The following CHD3 variants were observed in gnomAD, a reference collection of about 807,000 sequenced individuals.
The protein encoded by CHD3 is chromodomain helicase DNA binding protein 3.
In CHD3, 52 loss-of-function variants were observed where a neutral mutation model predicts 248.9. The ratio of observed to expected loss-of-function variants is 0.21; its 90% confidence interval spans 0.17 to 0.26. CHD3 has a LOEUF of 0.26. CHD3 is among the 10% of genes least tolerant of loss of function. CHD3 has a pLI of 1.00. For missense variants in CHD3, 1,482 were observed against 2,605.8 expected (o/e 0.57, Z 9.39); for synonymous variants, 985 against 985.2 (o/e 1.00, Z 0.00).
At chr17:7,893,616 A>C in intron 5 of CHD3, 47 bp downstream of exon 5, 2 of 1,536,324 alleles carry the variant, frequency 1.3e-6, no homozygotes, top group Non-Finnish European at 1.7e-6. Context: ...TCCAAACTGC[A>C]TGTCTTCACA....
In CHD3 at chr17:7,908,535, AG is replaced by A. The variant is rs1261972711; in HGVS notation, c.5261+27del. On this transcript the variant is annotated intron_variant, in intron 35 of 39. Coordinates refer to ENST00000330494, the MANE Select transcript of CHD3 (RefSeq NM_001005273.3). The surrounding 1 kb of genome is among the most constrained non-coding windows in gnomAD (Gnocchi z 5.8). ...TGTATCCTTTGATACACATGCAAGA[AG>A]GAAAAGGTTCTCTCAAGCTGGCAAA... 6.3e-7 allele frequency: 1 copy of A among 1,597,986 alleles called. No homozygotes were observed. Among genetic ancestry groups the A allele is most frequent in the African/African-American group, 1.3e-5 (1 of 74,346 alleles).
chr17:7,900,867 C>T lies in CHD3; in HGVS notation c.2994C>T (p.Tyr998=), dbSNP rs1319166591. 5 of 1,614,092 alleles carry T rather than the reference C, an allele frequency of 3.1e-6. No homozygotes were observed. The highest frequency in any genetic ancestry group is 3.3e-5 in the Admixed American group (2 of 60,014). ...LSPMQKKYYK[Y]ILTRNFEALN... Reference sequence around the variant, plus strand: ...TGGCCTTTAGGAAATACTACAAATACATCCTGACTCGAAATTTTGAGGCCT... The same window carrying T: ...TGGCCTTTAGGAAATACTACAAATATATCCTGACTCGAAATTTTGAGGCCT... Residue 998 remains tyrosine, a synonymous_variant, in exon 19 of 40, where the codon TAC becomes TAT. Coordinates refer to ENST00000330494, the MANE Select transcript of CHD3 (RefSeq NM_001005273.3). The surrounding 1 kb of genome is among the most constrained non-coding windows in gnomAD (Gnocchi z 6.5).
In CHD3 at chr17:7,889,637, G is replaced by A; in HGVS notation, c.101-27G>A. ...CAGAGGCTGGAAACCTAGAGGCTTA[G>A]GTTTTCTGATGCTTTTTGCTTCAAA... On this transcript the variant is annotated intron_variant, in intron 1 of 39. Coordinates refer to ENST00000330494, the MANE Select transcript of CHD3 (RefSeq NM_001005273.3). This position sits in a 1 kb window ranked among gnomAD's most constrained non-coding sequence, Gnocchi z 4.5. 1.3e-6 allele frequency: 2 copies of A among 1,593,170 alleles called. No homozygotes were observed. The highest frequency in any genetic ancestry group is 1.7e-6 in the Non-Finnish European group (2 of 1,167,790).
Position 7,910,542 on chromosome 17 carries a change from G to A in CHD3, c.5705G>A (p.Ser1902Asn). The A allele has an allele frequency of 6.2e-7, 1 of 1,613,030 alleles. No homozygotes were observed. The highest frequency in any genetic ancestry group is 8.5e-7 in the Non-Finnish European group (1 of 1,180,028). ...IAARLQMSER[S>N]ILSRLASKGT... ...GCCCGCCTTCAGATGTCCGAGCGCA[G>A]CATCCTCAGCCGGCTGGCCAGCAAG... Residue 1902 changes from serine (S) to asparagine (N), a missense_variant, in exon 38 of 40, where the codon AGC (serine) becomes AAC (asparagine). Transcript: ENST00000330494. The surrounding 1 kb of genome is among the most constrained non-coding windows in gnomAD (Gnocchi z 4.7).
upstream of CHD3, chr17:7,885,003 G>GC (rs774623583): frequency 1.0e-5 from 13 of 1,240,098 alleles, no homozygotes; most frequent in Admixed American, 4.1e-5. Context: ...GACCGCCACA[G>GC]CCCCCCCGGC....
chr17:7,907,808 C>G lies in CHD3; in HGVS notation c.5027-86C>G. 1 of 1,529,268 alleles carries G rather than the reference C, an allele frequency of 6.5e-7. No homozygotes were observed. The highest frequency in any genetic ancestry group is 8.8e-7 in the Non-Finnish European group (1 of 1,138,164). The allele number at this position is 1,529,268 out of a possible 1,614,324, so 94.7% of individuals were successfully genotyped here. A position where few individuals can be genotyped will look rare whatever the true frequency, so the allele number is the denominator to read the frequency against. ...CCTGGGCGGGTAGCTGTTTGAAAGG[C>G]CAGTACAGTACAGTACAGATAGTAG... On this transcript the variant is annotated intron_variant, in intron 33 of 39. Transcript: ENST00000330494. The surrounding 1 kb of genome is among the most constrained non-coding windows in gnomAD (Gnocchi z 4.3).
intron 19 of CHD3, 61 bp from the exon 20 acceptor site, chr17:7,901,183 C>T (rs1970255539): frequency 6.5e-7 from 1 of 1,542,398 alleles, no homozygotes; most frequent in African/African-American, 1.4e-5. Flanking sequence ...CTAGGTGTGG[C>T]AAGAATATGG....
In CHD3 at chr17:7,907,789, C is replaced by T. The variant is rs1971174390; in HGVS notation, c.5026+87C>T. The T allele has an allele frequency of 9.3e-6, 14 of 1,502,172 alleles. No homozygotes were observed. Among genetic ancestry groups the T allele is most frequent in the East Asian group, 4.9e-5 (2 of 41,158 alleles). 93.1% of individuals were successfully genotyped at this position (1,502,172 alleles called of 1,614,324 possible). A position where few individuals can be genotyped will look rare whatever the true frequency, so the allele number is the denominator to read the frequency against. On this transcript the variant is annotated intron_variant, in intron 33 of 39. Transcript: ENST00000330494. The surrounding 1 kb of genome is among the most constrained non-coding windows in gnomAD (Gnocchi z 4.3). ...GGGAACCGAATGCTTGGGTCCTGGG[C>T]GGGTAGCTGTTTGAAAGGCCAGTAC...
rs1483986894 is a variant in CHD3 at position 7,895,977 on chromosome 17, G to A, written c.1707+435G>A. Among the ~76,000 whole-genome samples the A allele has an allele frequency of 1.3e-5, 2 of 152,010 alleles. No homozygotes were observed. The highest frequency in any genetic ancestry group is 4.8e-5 in the African/African-American group (2 of 41,396). On this transcript the variant is annotated intron_variant, in intron 10 of 39. Transcript: ENST00000330494. The surrounding 1 kb of genome is among the most constrained non-coding windows in gnomAD (Gnocchi z 4.9). Reference sequence around the variant, plus strand: ...GTGGTGGCTCACGCCTGTAATCCCAGTACTTTGGGAGGCCGAGGTGGGCGG... The same window carrying A: ...GTGGTGGCTCACGCCTGTAATCCCAATACTTTGGGAGGCCGAGGTGGGCGG...
rs1968392699 is a variant in CHD3, at chr17:7,888,793, CTTTG to C, written c.-203_-200del. 2.1e-6 allele frequency: 3 copies of C among 1,417,400 alleles called. No homozygotes were observed. Among genetic ancestry groups the C allele is most frequent in the South Asian group, 1.5e-5 (1 of 64,678 alleles). 87.8% of individuals were successfully genotyped at this position (1,417,400 alleles called of 1,614,324 possible). The stretch of plus-strand genomic sequence containing the variant: ...TGGGTGTGTCTGTCTGTGCCTATAT[CTTTG>C]TTTGGGTCTCCCATACTGCGTATAG... On this transcript the variant is annotated 5_prime_UTR_variant, in exon 1 of 40. Coordinates refer to ENST00000330494, the MANE Select transcript of CHD3 (RefSeq NM_001005273.3).
chr17:7,890,797 A>C, intron 3 of CHD3, 56 bp downstream of exon 3: 1 of 1,580,720 alleles, frequency 6.3e-7, no homozygotes, highest in Non-Finnish European at 8.6e-7. Context: ...GGGCATGAGG[A>C]GGGGAGGAAT....
chr17:7,886,440 G>A (rs975686121), upstream of CHD3, among the ~76,000 whole-genome samples: 1 of 152,194 alleles, frequency 6.6e-6, no homozygotes. The surrounding 1 kb of genome is among the most constrained non-coding windows in gnomAD (Gnocchi z 4.2). Context: ...ACTTCAAAAC[G>A]GCCAACTCCG....
chr17:7,900,239 A>G lies in CHD3; in HGVS notation c.2683-51A>G. On this transcript the variant is annotated intron_variant, in intron 16 of 39. Transcript: ENST00000330494. This position sits in a 1 kb window ranked among gnomAD's most constrained non-coding sequence, Gnocchi z 6.5. ...GAAAGGCTGATGCTGTGGGTCGGTC[A>G]CTTGTCACTAATAAGCCCATTTTCC... 1 of 1,611,192 alleles carries G rather than the reference A, an allele frequency of 6.2e-7. No homozygotes were observed. Among genetic ancestry groups the G allele is most frequent in the Non-Finnish European group, 8.5e-7 (1 of 1,178,348 alleles).
At chr17:7,894,007 A>G in intron 6 of CHD3, 72 bp downstream of exon 6, 1 of 1,571,546 alleles carries the variant, frequency 6.4e-7, no homozygotes, top group Non-Finnish European at 8.6e-7. Flanking sequence ...GTGAGGGCCA[A>G]GGATCCAGAG....
chr17:7,897,977 T>C lies in CHD3; in HGVS notation c.1926T>C (p.Asp642=), dbSNP rs1969891123. ...ATGGCCTCCTGCCCCACAGTGTGGATAAAAAGGGGAATTACCACTATCTAG... is the reference window on the plus strand; with the variant it reads ...ATGGCCTCCTGCCCCACAGTGTGGACAAAAAGGGGAATTACCACTATCTAG... ...TVHRIINHSV[D]KKGNYHYLVK... The change falls in exon 12 of 40, where the codon GAT becomes GAC. Residue 642 remains aspartate (D), a synonymous_variant. Transcript: ENST00000330494. This position sits in a 1 kb window ranked among gnomAD's most constrained non-coding sequence, Gnocchi z 4.8. 6.2e-7 allele frequency: 1 copy of C among 1,613,682 alleles called. No homozygotes were observed. The highest frequency in any genetic ancestry group is 8.5e-7 in the Non-Finnish European group (1 of 1,179,798).
Position 7,889,609 on chromosome 17 carries a change from C to A in CHD3, c.101-55C>A. 6.7e-7 allele frequency: 1 copy of A among 1,489,676 alleles called. No individual in the cohort carries two copies. Among genetic ancestry groups the A allele is most frequent in the Non-Finnish European group, 9.2e-7 (1 of 1,086,942 alleles). 92.3% of individuals were successfully genotyped at this position (1,489,676 alleles called of 1,614,324 possible). ...GGTGGGGAAGGGGCAAGTTGAGGGG[C>A]CTCAGAGGCTGGAAACCTAGAGGCT... On this transcript the variant is annotated intron_variant, in intron 1 of 39. Coordinates refer to ENST00000330494, the MANE Select transcript of CHD3 (RefSeq NM_001005273.3). This position sits in a 1 kb window ranked among gnomAD's most constrained non-coding sequence, Gnocchi z 4.5.
Position 7,897,287 on chromosome 17 carries a change from A to G in CHD3, c.1912A>G (p.Asn638Asp). ...PEWMTVHRII[N>D]HSVDKKGNYH... ...GTGGATGACCGTCCACCGCATCATC[A>G]ACCACAGGTGAATCCTCGGTCCCTG... The change falls in exon 11 of 40, where the codon AAC becomes GAC. Residue 638 changes from asparagine (N) to aspartate (D), a missense_variant. Physicochemically the swap from Asn to Asp is conservative, Grantham distance 23 (BLOSUM62 1). This residue lies in a region of CHD3 where 127 missense variants were observed against 188.3 expected (regional missense o/e 0.67). Coordinates refer to ENST00000330494, the MANE Select transcript of CHD3 (RefSeq NM_001005273.3). The surrounding 1 kb of genome is among the most constrained non-coding windows in gnomAD (Gnocchi z 4.8). 6.8e-6 allele frequency: 11 copies of G among 1,613,518 alleles called. No individual in the cohort carries two copies. The highest frequency in any genetic ancestry group is 9.3e-6 in the Non-Finnish European group (11 of 1,179,848).
In CHD3 at chr17:7,890,679, C is replaced by G. The variant is rs1567835261; in HGVS notation, c.322C>G (p.Arg108Gly). 2 of 1,580,204 alleles carry G rather than the reference C, an allele frequency of 1.3e-6. No homozygotes were observed. The highest frequency in any genetic ancestry group is 8.5e-7 in the Non-Finnish European group (1 of 1,170,088). Reference protein sequence around the residue: ...GPGRKRRRKHREKKEKKTKRR... With the variant: ...GPGRKRRRKHGEKKEKKTKRR... ...GGGTCGGAAACGAAGAAGGAAGCAC[C>G]GAGAAAAAAAGGAGAAGAAGACAAA... The change falls in exon 3 of 40, where the codon CGA (arginine) becomes GGA (glycine). Residue 108 changes from arginine to glycine, a missense_variant. Coordinates refer to ENST00000330494, the MANE Select transcript of CHD3 (RefSeq NM_001005273.3).
chr17:7,893,527 C>A lies in CHD3; in HGVS notation c.751C>A (p.Gln251Lys). 6.7e-7 allele frequency: 1 copy of A among 1,503,606 alleles called. No homozygotes were observed. Among genetic ancestry groups the A allele is most frequent in the Non-Finnish European group, 9.1e-7 (1 of 1,096,434 alleles). 93.1% of individuals were successfully genotyped at this position (1,503,606 alleles called of 1,614,324 possible). Reference protein sequence around the residue: ...ALPPPPAADIQPPPIRRAKTK... With the variant: ...ALPPPPAADIKPPPIRRAKTK... ...TCCACCACCCCCTGCTGCTGATATC[C>A]AGCCCCCACCCATCCGAAGAGCCAA... is the stretch of plus-strand genomic sequence containing the variant. Residue 251 changes from glutamine to lysine, a missense_variant, in exon 5 of 40, where the codon CAG (glutamine) becomes AAG (lysine). Around this residue, in one of 20 missense-constraint regions of CHD3, gnomAD observed 149 missense variants for 182.6 expected, o/e 0.82. Transcript: ENST00000330494.
Sources: allele counts gnomAD v4.1 joint callset (sites outside exome capture counted in the v4.1 genomes callset), GRCh38; gene constraint gnomAD v4.1.1; regional missense constraint gnomAD v4.1.1; non-coding constraint Gnocchi (gnomAD v3.1); transcripts MANE v1.5; gene names NCBI Gene and HGNC (gene_info 2026-07-23, HGNC 2026-07-21).